Variants in PRKN observed in about 807,000 individuals in gnomAD.
PRKN encodes E3 ubiquitin-protein ligase parkin.
A neutral mutation model predicts 59.5 loss-of-function variants in PRKN; 56 were observed. The ratio of observed to expected loss-of-function variants is 0.94; its 90% CI spans 0.76 to 1.18. The LOEUF is 1.18. PRKN is among the 50% of genes most tolerant of loss of function. The pLI, the probability that PRKN is intolerant of heterozygous loss-of-function variation, is 0.00. For missense variants in PRKN, 657 were observed against 596.4 expected (o/e 1.10, Z -1.06); for synonymous variants, 250 against 222.1 (o/e 1.13, Z -1.12).
At chr6:161,909,846 CGTT>C (rs1169552304) in intron 6 of PRKN, among the ~76,000 whole-genome samples, 1 of 152,144 alleles carries the variant, frequency 6.6e-6, no homozygotes, top group Non-Finnish European at 1.5e-5. Context: ...CATGACCTAA[CGTT>C]GTGGTTATGG....
chr6:161,698,029 A>G (rs960562886), intron 7 of PRKN, among the ~76,000 whole-genome samples: 6 of 152,180 alleles, frequency 3.9e-5, no homozygotes, highest in Non-Finnish European at 8.8e-5. Flanking sequence ...GTAAAGAAAC[A>G]TGCTTACTTA....
chr6:161,676,897 TG>T (rs1785108028), intron 7 of PRKN, among the ~76,000 whole-genome samples: 1 of 152,230 alleles, frequency 6.6e-6, no homozygotes. Context: ...AACAGCTCCT[TG>T]GTGGTGTAAT....
At position 161,376,648 on chromosome 6, in the gene PRKN, C is replaced by T. The variant is rs140742211; in HGVS notation, c.1167+10146G>A. ...GGACTGAGGTCACACCGTCACATCACGGCGATAGGGCAGCTCACGCCCAGT... is the reference window on the plus strand; with the variant it reads ...GGACTGAGGTCACACCGTCACATCATGGCGATAGGGCAGCTCACGCCCAGT... On this transcript the variant is annotated intron_variant, in intron 10 of 11. Coordinates refer to ENST00000366898, the MANE Select transcript of PRKN (RefSeq NM_004562.3). This position sits in a 1 kb window ranked among gnomAD's most constrained non-coding sequence, Gnocchi z 7.3. 5.2e-4 allele frequency among the ~76,000 whole-genome samples: 79 copies of T among 152,272 alleles called. No individual in the cohort carries two copies. The highest frequency in any genetic ancestry group is 8.4e-4 in the Non-Finnish European group (57 of 68,022).
At chr6:161,764,186 TC>T (rs1330565510) in intron 7 of PRKN, among the ~76,000 whole-genome samples, 2 of 152,178 alleles carry the variant, frequency 1.3e-5, no homozygotes, top group Admixed American at 6.5e-5. Context: ...CTGCCTCACT[TC>T]CTCCGTTTCT....
chr6:162,021,890 T>G (rs928206158), intron 5 of PRKN, among the ~76,000 whole-genome samples: 33 of 152,280 alleles, frequency 2.2e-4, no homozygotes, highest in African/African-American at 7.9e-4. Flanking sequence ...TGTACCCGTC[T>G]TTATGTCCAT....
At chr6:161,732,474 G>GT (rs754841390) in intron 7 of PRKN, among the ~76,000 whole-genome samples, 82 of 149,672 alleles carry the variant, frequency 5.5e-4, no homozygotes, top group Non-Finnish European at 9.8e-4. Flanking sequence ...TTCTTCAGAG[G>GT]TTTTTTTTTT....
chr6:162,578,646 T>C (rs1384206277), intron 1 of PRKN, among the ~76,000 whole-genome samples: 1 of 152,206 alleles, frequency 6.6e-6, no homozygotes, highest in Non-Finnish European at 1.5e-5. Flanking sequence ...TGTTCATCAT[T>C]TAGAATATAC....
intron 4 of PRKN, among the ~76,000 whole-genome samples, chr6:162,071,572 G>A (rs946595035): frequency 2.7e-5 from 4 of 149,376 alleles, no homozygotes; most frequent in Admixed American, 2.0e-4. Context: ...ACTTATCAGT[G>A]GATTCCAATT....
intron 2 of PRKN, among the ~76,000 whole-genome samples, chr6:162,340,094 G>A (rs1784101424): frequency 6.9e-6 from 1 of 144,136 alleles, no homozygotes; most frequent in Admixed American, 6.9e-5. Context: ...CCATGACCCT[G>A]CCAAATCCCC....
chr6:162,366,165 T>A (rs1785427068), intron 2 of PRKN, among the ~76,000 whole-genome samples: 1 of 152,208 alleles, frequency 6.6e-6, no homozygotes, highest in South Asian at 2.1e-4. Flanking sequence ...GTTATAATAA[T>A]TTTTTTGTAA....
chr6:161,713,031 G>A (rs6901439), intron 7 of PRKN, among the ~76,000 whole-genome samples: 3,384 of 152,184 alleles, frequency 0.022, 129 homozygotes, highest in African/African-American at 0.077. Flanking sequence ...TCACAAGTTG[G>A]GGCCACCTGT....
At chr6:162,633,017 A>G (rs1308441214) in intron 1 of PRKN, among the ~76,000 whole-genome samples, 1 of 152,164 alleles carries the variant, frequency 6.6e-6, no homozygotes, top group Non-Finnish European at 1.5e-5. Flanking sequence ...AATACTTGTC[A>G]TATTTAATTT....
chr6:162,246,440 A>G (rs902561230), intron 3 of PRKN, among the ~76,000 whole-genome samples: 6 of 152,158 alleles, frequency 3.9e-5, no homozygotes, highest in African/African-American at 1.4e-4. Context: ...TGTTGAAGAA[A>G]AATAAATAAT....
chr6:161,720,422 G>C (rs1362529999), intron 7 of PRKN, among the ~76,000 whole-genome samples: 2 of 152,068 alleles, frequency 1.3e-5, no homozygotes, highest in South Asian at 4.2e-4. Context: ...CAATCCTCCT[G>C]TGCCCCGACA....
intron 7 of PRKN, among the ~76,000 whole-genome samples, chr6:161,597,939 C>T (rs550324627): frequency 1.3e-5 from 2 of 152,230 alleles, no homozygotes; most frequent in South Asian, 2.1e-4. Flanking sequence ...ATGCACAATT[C>T]TGTGTGTGCA....
At chr6:162,489,334 C>T (rs938408966) in intron 1 of PRKN, among the ~76,000 whole-genome samples, 5 of 152,170 alleles carry the variant, frequency 3.3e-5, no homozygotes, top group Non-Finnish European at 5.9e-5. Context: ...ATACATTTAG[C>T]TTGTTTCACA....
At chr6:161,964,110 T>G (rs912576888) in intron 6 of PRKN, among the ~76,000 whole-genome samples, 3 of 151,984 alleles carry the variant, frequency 2.0e-5, no homozygotes, top group Non-Finnish European at 4.4e-5. Flanking sequence ...ACCATGCAGG[T>G]TGGAGGGTAA....
intron 9 of PRKN, among the ~76,000 whole-genome samples, chr6:161,543,517 C>T (rs547771365): frequency 3.3e-5 from 5 of 152,148 alleles, no homozygotes; most frequent in Admixed American, 1.3e-4. Context: ...TGCCTCCGAG[C>T]GACACAGCAT....
chr6:162,599,893 C>T (rs1781634321), intron 1 of PRKN, among the ~76,000 whole-genome samples: 2 of 152,118 alleles, frequency 1.3e-5, no homozygotes, highest in African/African-American at 4.8e-5. Flanking sequence ...CCTAAGAGTC[C>T]TAAAATTATT....
Sources: allele counts gnomAD v4.1 joint callset (sites outside exome capture counted in the v4.1 genomes callset), GRCh38; gene constraint gnomAD v4.1.1; non-coding constraint Gnocchi (gnomAD v3.1); transcripts MANE v1.5; gene names NCBI Gene and HGNC (gene_info 2026-07-23, HGNC 2026-07-21).